The following PHF8 variants were observed in gnomAD, a reference collection of about 807,000 sequenced individuals.
PHF8 encodes histone lysine demethylase PHF8.
PHF8 carries 9 observed loss-of-function variants against 74.4 expected under a neutral mutation model. The ratio of observed to expected loss-of-function variants is 0.12; its 90% CI spans 0.07 to 0.21. The LOEUF (loss-of-function observed/expected upper bound fraction) is 0.21, where lower values mean the gene tolerates loss of function less well. PHF8 is among the 10% of genes least tolerant of loss of function. PHF8 has a pLI of 1.00. For synonymous variants in PHF8, 311 were observed against 316.6 expected, an observed-to-expected ratio of 0.98 and a Z score of 0.19; for missense variants, 478 against 816.6, an observed-to-expected ratio of 0.59 and a Z score of 5.05.
chrX:54,038,590 T>C lies in PHF8; in HGVS notation c.98+4041A>G, dbSNP rs924422606. On this transcript the variant is annotated intron_variant, in intron 2 of 21. Transcript: ENST00000338154. Reference sequence around the variant, plus strand: ...AGAACCACCGCTGTACAAATCAAAGTGTTTTTGCAAAATCCAGCTTCTTAC... The same window carrying C: ...AGAACCACCGCTGTACAAATCAAAGCGTTTTTGCAAAATCCAGCTTCTTAC... Among the ~76,000 whole-genome samples, 9 of 111,985 alleles carry C rather than the reference T, an allele frequency of 8.0e-5. No homozygotes were observed. In the East Asian group the frequency reaches 2.5e-3, roughly 31 times the overall value.
At chrX:53,953,667 G>T (rs1472583086) in intron 19 of PHF8, among the ~76,000 whole-genome samples, 1 of 106,768 alleles carries the variant, frequency 9.4e-6, no homozygotes, top group Non-Finnish European at 1.9e-5. Flanking sequence ...AGCGGGGGGG[G>T]TCCTAGAAAA....
intron 2 of PHF8, among the ~76,000 whole-genome samples, chrX:54,037,279 G>A (rs1557114666): frequency 9.0e-6 from 1 of 111,268 alleles, no homozygotes; most frequent in Non-Finnish European, 1.9e-5. Context: ...ACAGGGTCTC[G>A]CTCTGTCACC....
chrX:54,002,490 C>T (rs143551050), intron 9 of PHF8, 105 bp downstream of exon 9: 13 of 585,010 alleles, frequency 2.2e-5, no homozygotes, highest in Middle Eastern at 3.1e-4. Flanking sequence ...TGATCAGGAA[C>T]GAGGAACCAT....
chrX:53,986,325 T>G (rs2065565567), intron 16 of PHF8, among the ~76,000 whole-genome samples: 1 of 112,622 alleles, frequency 8.9e-6, no homozygotes, highest in South Asian at 3.7e-4. Flanking sequence ...CGCTGCAACC[T>G]CTGCCTCCTG....
At chrX:53,973,793 T>C (rs1352499637) in intron 18 of PHF8, among the ~76,000 whole-genome samples, 3 of 111,378 alleles carry the variant, frequency 2.7e-5, no homozygotes, top group Admixed American at 9.6e-5. Context: ...AATTGACAAA[T>C]GGGATCTAAT....
intron 1 of PHF8, chrX:54,043,155 C>T: frequency 5.0e-6 from 4 of 802,324 alleles, no homozygotes; most frequent in Non-Finnish European, 6.0e-6. Flanking sequence ...ACTGAACCCT[C>T]CCCTAGCTGA....
intron 18 of PHF8, among the ~76,000 whole-genome samples, chrX:53,979,421 G>T (rs192550475): frequency 9.0e-6 from 1 of 111,355 alleles, no homozygotes; most frequent in Non-Finnish European, 1.9e-5. Flanking sequence ...TTTAAAAAAC[G>T]CTTTACCAAA....
chrX:53,995,288 G>A (rs1254959151), intron 12 of PHF8: 5 of 334,588 alleles, frequency 1.5e-5, no homozygotes, highest in African/African-American at 5.3e-5. Flanking sequence ...CCACCACCAC[G>A]ACCCACCGTC....
Position 53,937,641 on chromosome X carries a change from A to AAATCCTT in PHF8, c.*1516_*1517insAAGGATT. 5.2e-6 allele frequency: 1 copy of AAATCCTT among 191,633 alleles called. No individual in the cohort carries two copies. The highest frequency in any genetic ancestry group is 9.7e-6 in the Non-Finnish European group (1 of 102,726). The allele number at this position is 191,633 out of a possible 1,213,427, so 15.8% of individuals were successfully genotyped here. A position where few individuals can be genotyped will look rare whatever the true frequency, so the allele number is the denominator to read the frequency against. ...CTAAAGGAACCCCTGATTCCAAGGA[A>AAATCCTT]GGAAAGTAGAGGCAGGGCTATGGAG... On this transcript the variant is annotated 3_prime_UTR_variant, in exon 22 of 22. Transcript: ENST00000338154.
At chrX:53,949,639 C>T (rs782302506) in intron 19 of PHF8, among the ~76,000 whole-genome samples, 184 of 108,016 alleles carry the variant, frequency 1.7e-3, no homozygotes, top group African/African-American at 5.9e-3. Flanking sequence ...AGTGAAACCC[C>T]GTCTCTACTA....
intron 11 of PHF8, chrX:53,999,666 C>G (rs2065800059): frequency 7.4e-6 from 3 of 404,001 alleles, no homozygotes; most frequent in Non-Finnish European, 1.3e-5. Context: ...TTTTCTAATT[C>G]TCTAGTGTGA....
intron 19 of PHF8, among the ~76,000 whole-genome samples, chrX:53,959,043 C>T (rs1036012171): frequency 9.0e-6 from 1 of 110,741 alleles, no homozygotes; most frequent in South Asian, 3.8e-4. Flanking sequence ...TAGGTATATC[C>T]ATGGAACTGA....
At chrX:53,939,753 G>A (rs1475013069) in intron 21 of PHF8, among the ~76,000 whole-genome samples, 1 of 110,987 alleles carries the variant, frequency 9.0e-6, no homozygotes, top group East Asian at 2.9e-4. Context: ...CAAAGTGAGG[G>A]AAAGGAAGGC....
chrX:53,972,220 G>C (rs1483676645), intron 18 of PHF8, among the ~76,000 whole-genome samples: 1 of 107,186 alleles, frequency 9.3e-6, no homozygotes, highest in African/African-American at 3.4e-5. Flanking sequence ...CTACTCGAGA[G>C]GCTGAGGCAG....
At chrX:53,997,583 T>C (rs1488811040) in intron 11 of PHF8, among the ~76,000 whole-genome samples, 1 of 111,505 alleles carries the variant, frequency 9.0e-6, no homozygotes, top group East Asian at 2.8e-4. Flanking sequence ...ACAAATCATC[T>C]GCACTTCACA....
chrX:53,965,569 G>A (rs1333879185), intron 18 of PHF8, among the ~76,000 whole-genome samples: 4 of 112,159 alleles, frequency 3.6e-5, no homozygotes, highest in Non-Finnish European at 7.5e-5. Flanking sequence ...AACCCGGGAG[G>A]TGGAGGCTGC....
At chrX:53,943,689 G>C (rs1569523749) in intron 20 of PHF8, among the ~76,000 whole-genome samples, 2 of 111,635 alleles carry the variant, frequency 1.8e-5, no homozygotes, top group African/African-American at 3.3e-5. Flanking sequence ...AAATTTGTGG[G>C]TGAAGATTAA....
At chrX:53,999,687 C>T in intron 11 of PHF8, 183 bp downstream of exon 11, 1 of 428,429 alleles carries the variant, frequency 2.3e-6, no homozygotes, top group South Asian at 3.6e-5. Flanking sequence ...TGTTGTATTA[C>T]TTTTTATCAT....
chrX:54,003,649 C>CA (rs1260843735), intron 8 of PHF8, among the ~76,000 whole-genome samples: 1 of 111,871 alleles, frequency 8.9e-6, no homozygotes, highest in East Asian at 2.8e-4. Context: ...AGGCATGAGC[C>CA]ACTGCACCCG....
Sources: allele counts gnomAD v4.1 joint callset (sites outside exome capture counted in the v4.1 genomes callset), GRCh38; gene constraint gnomAD v4.1.1; transcripts MANE v1.5; gene names NCBI Gene and HGNC (gene_info 2026-07-23, HGNC 2026-07-21).